IL12RB1: variants seen among roughly 807,000 people sequenced by gnomAD.
The protein encoded by IL12RB1 is interleukin-12 receptor subunit beta-1.
A neutral mutation model predicts 94.4 loss-of-function variants in IL12RB1; 64 were observed. The ratio of observed to expected loss-of-function variants is 0.68; its 90% CI spans 0.55 to 0.83. The LOEUF (loss-of-function observed/expected upper bound fraction) is 0.83. Ranked by LOEUF, IL12RB1 falls within the 40% of genes least tolerant of loss-of-function variation. IL12RB1 has a pLI of 0.00. For synonymous variants in IL12RB1, 362 were observed against 355.5 expected, an observed-to-expected ratio of 1.02 and a Z score of -0.21; for missense variants, 814 against 855.6, an observed-to-expected ratio of 0.95 and a Z score of 0.61.
chr19:18,059,759 G>C (rs887314254), intron 16 of IL12RB1, 135 bp downstream of exon 16: 4 of 730,152 alleles, frequency 5.5e-6, no homozygotes, highest in Non-Finnish European at 7.6e-6. Flanking sequence ...CTTCGTGTCT[G>C]TAAGACAAAG....
Position 18,086,793 on chromosome 19 carries a change from G to C in IL12RB1, c.31C>G (p.Leu11Val). The change falls in exon 1 of 17, where the codon CTC becomes GTC. Residue 11 changes from leucine to valine, a missense_variant. By Grantham distance (32) the Leu-to-Val change is conservative. Coordinates refer to ENST00000593993, the MANE Select transcript of IL12RB1 (RefSeq NM_005535.3). MEPLVTWVVP[L>V]LFLFLLSRQG... Reference sequence around the variant, plus strand: ...CTGGACAGCAGGAAGAGGAAGAGGAGGGGGACCACCCAGGTCACCAGCGGC... The same window carrying C: ...CTGGACAGCAGGAAGAGGAAGAGGACGGGGACCACCCAGGTCACCAGCGGC... The C allele has an allele frequency of 6.2e-7, 1 of 1,612,064 alleles. No homozygotes were observed. Among genetic ancestry groups the C allele is most frequent in the Non-Finnish European group, 8.5e-7 (1 of 1,179,500 alleles).
exon 1 of IL12RB1, chr19:18,098,823 T>G (rs1338206478): frequency 2.2e-6 from 1 of 456,168 alleles, no homozygotes; most frequent in East Asian, 6.9e-5. Flanking sequence ...TTCTGCAACC[T>G]CTGGAGCTGC....
At chr19:18,081,966 C>T (rs2035941948) in intron 3 of IL12RB1, among the ~76,000 whole-genome samples, 184 bp downstream of exon 3, 1 of 152,116 alleles carries the variant, frequency 6.6e-6, no homozygotes, top group Non-Finnish European at 1.5e-5. Flanking sequence ...CCTGGGATGC[C>T]TACCTTCACT....
intron 1 of IL12RB1, among the ~76,000 whole-genome samples, chr19:18,092,184 C>CTT (rs112888209): frequency 1.8e-4 from 23 of 129,412 alleles, no homozygotes; most frequent in Non-Finnish European, 2.8e-4. Flanking sequence ...GACCATCCAG[C>CTT]TTTTTTTTTT....
rs1568493199 is a variant in IL12RB1, at chr19:18,068,374, G to T, written c.1327+15C>A. Reference sequence around the variant, plus strand: ...AAGAAAAAATAATGTAAACCTGCAGGTTTGGGTCACTTACCATTGCCCCCA... The same window carrying T: ...AAGAAAAAATAATGTAAACCTGCAGTTTTGGGTCACTTACCATTGCCCCCA... On this transcript the variant is annotated intron_variant, in intron 11 of 16. Transcript: ENST00000593993. The T allele has an allele frequency of 3.7e-6, 6 of 1,600,692 alleles. No individual in the cohort carries two copies. Among genetic ancestry groups the T allele is most frequent in the Non-Finnish European group, 5.1e-6 (6 of 1,172,886 alleles).
chr19:18,072,761 C>T (rs903070067), intron 8 of IL12RB1, among the ~76,000 whole-genome samples: 6 of 151,994 alleles, frequency 3.9e-5, no homozygotes, highest in Admixed American at 6.6e-5. Context: ...TCCTGGCTAA[C>T]ACGGTGAAAC....
At position 18,062,947 on chromosome 19, in the gene IL12RB1, C is replaced by T. The variant is rs115113772; in HGVS notation, c.1619-670G>A. On this transcript the variant is annotated intron_variant, in intron 13 of 16. Coordinates refer to ENST00000593993, the MANE Select transcript of IL12RB1 (RefSeq NM_005535.3). Reference sequence around the variant, plus strand: ...GTGGCATGAACAGGGATCATTTGATCTCTGAATCTCTTATAACCATGCACC... The same window carrying T: ...GTGGCATGAACAGGGATCATTTGATTTCTGAATCTCTTATAACCATGCACC... Among the ~76,000 whole-genome samples, 177 of 151,734 alleles carry T rather than the reference C, an allele frequency of 1.2e-3. 1 individual carries two copies. Among genetic ancestry groups the T allele is most frequent in the African/African-American group, 4.0e-3 (167 of 41,398 alleles).
rs1392983079 is a variant in IL12RB1 at position 18,083,601 on chromosome 19, A to G, written c.65-110T>C. 8 of 821,276 alleles carry G rather than the reference A, an allele frequency of 9.7e-6. No homozygotes were observed. The East Asian group carries it at 3.0e-4, about 31-fold the overall frequency. The allele number at this position is 821,276 out of a possible 1,614,324, so 50.9% of individuals were successfully genotyped here. On this transcript the variant is annotated intron_variant, in intron 1 of 16. Coordinates refer to ENST00000593993, the MANE Select transcript of IL12RB1 (RefSeq NM_005535.3). ...TGATCATCAGCCCTCCCACCCACCC[A>G]CTTTCCCATCTATGCACCCTCCTAC...
intron 13 of IL12RB1, among the ~76,000 whole-genome samples, chr19:18,063,055 TTTC>T (rs2034268473): frequency 6.8e-6 from 1 of 147,168 alleles, no homozygotes; most frequent in African/African-American, 2.5e-5. Context: ...CTTCTTCTTC[TTTC>T]TTCTCCTTCT....
rs778113117 is a variant in IL12RB1, at chr19:18,080,992, G to A, written c.249C>T (p.Ser83=). 33 of 1,612,024 alleles carry A rather than the reference G, an allele frequency of 2.0e-5. No individual in the cohort carries two copies. The highest frequency in any genetic ancestry group is 1.2e-4 in the South Asian group (11 of 91,032). ...VSHFLRCCLS[S]GRCCYFAAGS... is the part of the protein sequence containing the mutation. ...CGGCGGCGAAGTAGCAGCAGCGCCCGGAGCTAAGGCTGCAGCAGGAAGGAG... is the reference window on the plus strand; with the variant it reads ...CGGCGGCGAAGTAGCAGCAGCGCCCAGAGCTAAGGCTGCAGCAGGAAGGAG... Residue 83 remains serine, a synonymous_variant, in exon 4 of 17, where the codon TCC becomes TCT. Transcript: ENST00000593993.
intron 1 of IL12RB1, among the ~76,000 whole-genome samples, chr19:18,097,583 A>G (rs2037054630): frequency 6.6e-6 from 1 of 152,056 alleles, no homozygotes; most frequent in South Asian, 2.1e-4. Context: ...CTTACTTCTG[A>G]GAGGATTCAT....
At chr19:18,074,641 T>A (rs452265) in intron 7 of IL12RB1, among the ~76,000 whole-genome samples, 43,086 of 151,958 alleles carry the variant, frequency 0.28, 6,347 homozygotes, top group East Asian at 0.37. Context: ...CCAGCTACTC[T>A]GGAGGCTGAG....
intron 4 of IL12RB1, 25 bp from the exon 5 acceptor site, chr19:18,077,680 G>A (rs368570346): frequency 1.1e-5 from 16 of 1,512,802 alleles, no homozygotes; most frequent in South Asian, 4.5e-5. Flanking sequence ...AGGGATTGGC[G>A]AGGGGCAGCC....
Position 18,083,500 on chromosome 19 carries a change from G to A in IL12RB1, c.65-9C>T, listed in dbSNP as rs1361536889. The stretch of plus-strand genomic sequence containing the variant: ...ACTGGTTCTGCAGGCAGCTGCAAAG[G>A]CAATGAAGACATAATGACATTCCTG... On this transcript the variant is annotated splice_polypyrimidine_tract_variant and intron_variant, in intron 1 of 16. Transcript: ENST00000593993. 2 of 1,613,784 alleles carry A rather than the reference G, an allele frequency of 1.2e-6. No individual in the cohort carries two copies. The highest frequency in any genetic ancestry group is 1.7e-5 in the Admixed American group (1 of 60,014).
chr19:18,076,807 C>A (rs534285349), intron 5 of IL12RB1, among the ~76,000 whole-genome samples: 2 of 152,092 alleles, frequency 1.3e-5, no homozygotes, highest in African/African-American at 4.8e-5. Flanking sequence ...ACATATAAAG[C>A]AGTAAAAAAT....
At chr19:18,081,683 G>A (rs1171186167) in intron 3 of IL12RB1, among the ~76,000 whole-genome samples, 1 of 151,904 alleles carries the variant, frequency 6.6e-6, no homozygotes, top group Non-Finnish European at 1.5e-5. Flanking sequence ...TAGCAGGTGT[G>A]GTGGCGTGTG....
intron 13 of IL12RB1, among the ~76,000 whole-genome samples, chr19:18,063,078 ATTTTTTTTTTTTTTT>A (rs67262412): frequency 1.9e-3 from 100 of 51,460 alleles, no homozygotes; most frequent in South Asian, 0.011. Context: ...TTCTTCTTCT[ATTTTTTTTTTTTTTT>A]TTTTTTTTTT....
At chr19:18,067,027 TAAA>T (rs34124195) in intron 11 of IL12RB1, among the ~76,000 whole-genome samples, 7 of 129,524 alleles carry the variant, frequency 5.4e-5, no homozygotes, top group East Asian at 2.2e-4. Flanking sequence ...ACCCTGTCTT[TAAA>T]AAAAAAAAAA....
Position 18,080,979 on chromosome 19 carries a change from A to G in IL12RB1, c.262T>C (p.Tyr88His), listed in dbSNP as rs1198312612. The G allele has an allele frequency of 2.5e-6, 4 of 1,613,144 alleles. No homozygotes were observed. Among genetic ancestry groups the G allele is most frequent in the Non-Finnish European group, 2.5e-6 (3 of 1,179,864 alleles). Residue 88 changes from tyrosine (Y) to histidine (H), a missense_variant, in exon 4 of 17, where the codon TAC (tyrosine) becomes CAC (histidine). Physicochemically the swap from Tyr to His is moderately conservative, Grantham distance 83. Transcript: ENST00000593993. ...CTGGTGGCTGAGCCGGCGGCGAAGT[A>G]GCAGCAGCGCCCGGAGCTAAGGCTG... ...RCCLSSGRCC[Y>H]FAAGSATRLQ...
Sources: allele counts gnomAD v4.1 joint callset (sites outside exome capture counted in the v4.1 genomes callset), GRCh38; gene constraint gnomAD v4.1.1; transcripts MANE v1.5; gene names NCBI Gene and HGNC (gene_info 2026-07-23, HGNC 2026-07-21).